The following FBXO16 variants were observed in gnomAD, a reference collection of about 807,000 sequenced individuals.
FBXO16 encodes the protein F-box protein 16.
FBXO16 carries 31 observed loss-of-function variants against 41.0 expected under a neutral mutation model. The ratio of observed to expected loss-of-function variants is 0.76; its 90% confidence interval spans 0.57 to 1.02. The LOEUF (loss-of-function observed/expected upper bound fraction) is 1.02, where lower values mean the gene tolerates loss of function less well. Ranked by LOEUF, FBXO16 falls within the 50% of genes least tolerant of loss-of-function variation. The pLI is 0.00. For missense variants in FBXO16, 361 were observed against 346.2 expected (o/e 1.04, Z -0.34); for synonymous variants, 133 against 117.8 (o/e 1.13, Z -0.84).
At chr8:28,471,865 G>C (rs1803342196) in intron 3 of FBXO16, among the ~76,000 whole-genome samples, 1 of 150,326 alleles carries the variant, frequency 6.7e-6, no homozygotes, top group Admixed American at 6.6e-5. Flanking sequence ...ATCACCCAGG[G>C]ATGGCCATTG....
chr8:28,452,449 C>A lies in FBXO16; in HGVS notation c.535G>T (p.Ala179Ser). The A allele has an allele frequency of 6.2e-7, 1 of 1,614,052 alleles. No homozygotes were observed. Among genetic ancestry groups the A allele is most frequent in the South Asian group, 1.1e-5 (1 of 91,070 alleles). ...TTGCTTGTAACTAGTTGAACGTCAG[C>A]GATTACAAATCCATCCTTTGGGGGT... ...KTPPKDGFVI[A>S]DVQLVTSNSP... Residue 179 changes from alanine (A) to serine (S), a missense_variant, in exon 6 of 9, where the codon GCT (alanine) becomes TCT (serine). Ala to Ser is a moderately conservative substitution (Grantham distance 99). Transcript: ENST00000380254.
intron 7 of FBXO16, among the ~76,000 whole-genome samples, chr8:28,442,591 C>G (rs931373358): frequency 2.0e-5 from 3 of 152,092 alleles, no homozygotes; most frequent in African/African-American, 7.2e-5. Context: ...ACCATGTTGG[C>G]CAGGCTAGTC....
intron 3 of FBXO16, among the ~76,000 whole-genome samples, chr8:28,466,764 G>A (rs1803249884): frequency 6.6e-6 from 1 of 152,198 alleles, no homozygotes; most frequent in East Asian, 1.9e-4. Flanking sequence ...CAGTTGGAAA[G>A]TTGGCTTGAC....
At chr8:28,440,420 G>A (rs1563358155) in intron 7 of FBXO16, among the ~76,000 whole-genome samples, 7 of 152,086 alleles carry the variant, frequency 4.6e-5, no homozygotes, top group Non-Finnish European at 1.0e-4. Flanking sequence ...TATAAATGAG[G>A]AAACAAAGAC....
intron 5 of FBXO16, 164 bp downstream of exon 5, chr8:28,456,602 T>G: frequency 1.2e-6 from 1 of 827,446 alleles, no homozygotes; most frequent in African/African-American, 1.7e-5. Context: ...ATGAATGTCT[T>G]GAAAACAACT....
intron 8 of FBXO16, 44 bp from the exon 9 acceptor site, chr8:28,428,780 A>G: frequency 1.4e-6 from 2 of 1,467,890 alleles, no homozygotes; most frequent in South Asian, 1.5e-5. Context: ...TTATTGAAAT[A>G]CCAAGGGAGC....
At chr8:28,429,617 G>C (rs561497299) in intron 7 of FBXO16, among the ~76,000 whole-genome samples, 2 of 151,824 alleles carry the variant, frequency 1.3e-5, no homozygotes, top group South Asian at 4.2e-4. Flanking sequence ...TACTAAGCTG[G>C]CAAGTCACAG....
chr8:28,448,954 GA>G (rs772309268), intron 6 of FBXO16: 1 of 152,210 alleles, frequency 6.6e-6, no homozygotes, highest in East Asian at 1.9e-4. Context: ...CCATTTACAG[GA>G]AAAGTTTGCC....
intron 1 of FBXO16, among the ~76,000 whole-genome samples, chr8:28,487,660 G>A (rs192414090): frequency 1.1e-4 from 17 of 152,114 alleles, no homozygotes; most frequent in Admixed American, 6.5e-4. Flanking sequence ...TTCCCAAAGT[G>A]CTGGGATTAC....
At chr8:28,448,834 T>G (rs1456980721) in intron 6 of FBXO16, 1 of 152,232 alleles carries the variant, frequency 6.6e-6, no homozygotes, top group Admixed American at 6.5e-5. Context: ...AACATAGTCA[T>G]GCTTATTTCT....
intron 7 of FBXO16, among the ~76,000 whole-genome samples, chr8:28,440,346 C>T (rs1412763172): frequency 2.0e-5 from 3 of 152,136 alleles, no homozygotes; most frequent in African/African-American, 7.2e-5. Flanking sequence ...TCAAGCCATC[C>T]TTCCACCTCG....
chr8:28,439,322 C>A (rs1802729873), intron 7 of FBXO16, among the ~76,000 whole-genome samples: 1 of 152,054 alleles, frequency 6.6e-6, no homozygotes, highest in Non-Finnish European at 1.5e-5. Flanking sequence ...AGCCCATATT[C>A]TTTGTTATTC....
intron 1 of FBXO16, among the ~76,000 whole-genome samples, chr8:28,486,702 G>T (rs576730734): frequency 4.0e-5 from 6 of 151,856 alleles, no homozygotes; most frequent in Admixed American, 2.6e-4. Flanking sequence ...AGTGGTGCAC[G>T]CCTGTGGTCC....
chr8:28,455,382 G>A (rs1020927599), intron 5 of FBXO16, among the ~76,000 whole-genome samples: 2 of 152,042 alleles, frequency 1.3e-5, no homozygotes, highest in Non-Finnish European at 2.9e-5. Flanking sequence ...AACTGCAAGA[G>A]TGTGCTACTG....
intron 2 of FBXO16, among the ~76,000 whole-genome samples, chr8:28,474,316 C>CAAAAAAAAAAAAAAAAAAAAAAAA: frequency 5.3e-5 from 3 of 56,676 alleles, no homozygotes; most frequent in South Asian, 6.9e-4. Context: ...CAGACCCTGT[C>CAAAAAAAAAAAAAAAAAAAAAAAA]AAAAAAAAAA....
chr8:28,469,612 T>C (rs1464830136), intron 3 of FBXO16, among the ~76,000 whole-genome samples: 1 of 152,048 alleles, frequency 6.6e-6, no homozygotes, highest in African/African-American at 2.4e-5. Context: ...GTTTAAAAAA[T>C]AAACAAAATG....
intron 6 of FBXO16, 187 bp from the exon 7 acceptor site, chr8:28,447,460 T>G: frequency 1.8e-6 from 1 of 547,592 alleles, no homozygotes; most frequent in Non-Finnish European, 3.3e-6. Flanking sequence ...CTCCACACAA[T>G]GCAGTACTAT....
At chr8:28,436,859 C>T (rs1802694722) in intron 7 of FBXO16, among the ~76,000 whole-genome samples, 1 of 152,196 alleles carries the variant, frequency 6.6e-6, no homozygotes, top group African/African-American at 2.4e-5. Flanking sequence ...TCAAGCAATC[C>T]TCCCACCTGA....
intron 7 of FBXO16, among the ~76,000 whole-genome samples, chr8:28,441,698 T>A (rs1480755476): frequency 6.9e-6 from 1 of 144,398 alleles, no homozygotes; most frequent in African/African-American, 2.6e-5. Context: ...ATCGCGCCAT[T>A]GCACTCCAGC....
Sources: gnomAD v4.1 joint callset for allele counts (sites outside exome capture counted in the v4.1 genomes callset) on GRCh38, gnomAD v4.1.1 for gene constraint, MANE v1.5 for transcripts, NCBI Gene and HGNC (gene_info 2026-07-23, HGNC 2026-07-21) for gene names.